The following CTSH variants were observed in gnomAD, a reference collection of about 807,000 sequenced individuals.
CTSH encodes the protein cathepsin H, also known as pro-cathepsin H.
A neutral mutation model predicts 56.3 loss-of-function variants in CTSH; 52 were observed. That is an observed-to-expected ratio of 0.92 (90% CI 0.74 to 1.16). The LOEUF (loss-of-function observed/expected upper bound fraction) is 1.16, where lower values mean the gene tolerates loss of function less well. Ranked by LOEUF, CTSH falls within the 50% of genes most tolerant of loss-of-function variation. The pLI is 0.00. For missense variants in CTSH, 406 were observed against 424.5 expected (o/e 0.96, Z 0.38); for synonymous variants, 174 against 155.7 (o/e 1.12, Z -0.88).
rs894920858 is a variant in CTSH at position 78,932,851 on chromosome 15, G to A, written c.406-393C>T. Among the ~76,000 whole-genome samples, 6 of 152,136 alleles carry A rather than the reference G, an allele frequency of 3.9e-5. No individual in the cohort carries two copies. In the South Asian group the frequency reaches 6.2e-4, roughly 16 times the overall value. ...CAGTCTTCTGGCTCTCTTCCTTCTC[G>A]ATCTTCACTGGCTCCTCTTTTCCCT... On this transcript the variant is annotated intron_variant, in intron 5 of 11. Coordinates refer to ENST00000220166, the MANE Select transcript of CTSH (RefSeq NM_004390.5).
chr15:78,937,768 A>C (rs1259998455), intron 2 of CTSH: 1 of 1,312,360 alleles, frequency 7.6e-7, no homozygotes, highest in South Asian at 1.2e-5. Flanking sequence ...TCAAAAGCAC[A>C]TGCACTGGTG....
chr15:78,926,951 C>A (rs186691085), intron 9 of CTSH: 1 of 152,240 alleles, frequency 6.6e-6, no homozygotes, highest in Admixed American at 6.5e-5. Context: ...TGTCATTACA[C>A]AGACATCACG....
At chr15:78,931,401 G>T (rs376540440) in intron 7 of CTSH, 50 bp downstream of exon 7, 365 of 1,610,426 alleles carry the variant, frequency 2.3e-4, no homozygotes, top group Non-Finnish European at 2.9e-4. Flanking sequence ...CTGTCGAAGC[G>T]GTCAGTGGGA....
intron 6 of CTSH, chr15:78,931,818 A>G (rs1426671528): frequency 3.0e-6 from 4 of 1,317,026 alleles, no homozygotes; most frequent in Admixed American, 3.2e-5. Flanking sequence ...GGGGTCCCAC[A>G]GCGGTGTATA....
chr15:78,929,407 G>A lies in CTSH; in HGVS notation c.630+5C>T. On this transcript the variant is annotated splice_donor_5th_base_variant and intron_variant, in intron 8 of 11. Coordinates refer to ENST00000220166, the MANE Select transcript of CTSH (RefSeq NM_004390.5). Reference sequence around the variant, plus strand: ...AGAAGACAGAGTGGAGGCTGTTGGAGTTACCTTGCCCTGGTAGGGGTAGGT... The same window carrying A: ...AGAAGACAGAGTGGAGGCTGTTGGAATTACCTTGCCCTGGTAGGGGTAGGT... 6.2e-7 allele frequency: 1 copy of A among 1,610,440 alleles called. No homozygotes were observed. The highest frequency in any genetic ancestry group is 8.5e-7 in the Non-Finnish European group (1 of 1,177,356).
intron 5 of CTSH, among the ~76,000 whole-genome samples, 199 bp from the exon 6 acceptor site, chr15:78,932,657 A>G (rs28520089): frequency 3.4e-5 from 5 of 149,190 alleles, no homozygotes; most frequent in African/African-American, 1.3e-4. Context: ...GAGGCTCGCA[A>G]GCCCTGTTCC....
At chr15:78,927,329 G>A (rs1351754913) in intron 9 of CTSH, 1 of 263,252 alleles carries the variant, frequency 3.8e-6, no homozygotes, top group Admixed American at 5.2e-5. Context: ...GGTTGTTATT[G>A]CAACAGAACC....
intron 5 of CTSH, 36 bp downstream of exon 5, chr15:78,934,942 G>C: frequency 7.1e-7 from 1 of 1,404,608 alleles, no homozygotes; most frequent in Middle Eastern, 1.8e-4. Flanking sequence ...GAGTGTGGCC[G>C]TTTTGCAGGG....
chr15:78,934,549 G>A (rs1018832149), intron 5 of CTSH, among the ~76,000 whole-genome samples: 2 of 152,254 alleles, frequency 1.3e-5, no homozygotes, highest in African/African-American at 4.8e-5. Flanking sequence ...GCTTGCTGAT[G>A]CATGACACAT....
Position 78,927,823 on chromosome 15 carries a change from C to T in CTSH, c.631-42G>A, listed in dbSNP as rs751856114. On this transcript the variant is annotated intron_variant, in intron 8 of 11. Transcript: ENST00000220166. ...GGGCATGAAATACAGGTTATGGACC[C>T]GAAGTCTCAGCCTCCCCACGCAGTT... is the stretch of plus-strand genomic sequence containing the variant. The T allele has an allele frequency of 1.3e-5, 21 of 1,559,276 alleles. 1 individual carries two copies. The highest frequency in any genetic ancestry group is 5.6e-5 in the South Asian group (5 of 89,934).
At chr15:78,934,479 C>T (rs577062095) in intron 5 of CTSH, among the ~76,000 whole-genome samples, 5 of 152,324 alleles carry the variant, frequency 3.3e-5, no homozygotes, top group African/African-American at 1.2e-4. Context: ...GGCCTCTCAC[C>T]TTGCCAAGCC....
intron 3 of CTSH, 77 bp downstream of exon 3, chr15:78,937,241 A>C: frequency 8.2e-7 from 1 of 1,212,386 alleles, no homozygotes; most frequent in Non-Finnish European, 1.2e-6. Context: ...TCCACCCACC[A>C]GCCCCCAGCG....
intron 8 of CTSH, among the ~76,000 whole-genome samples, chr15:78,928,289 C>T (rs1405748695): frequency 3.9e-5 from 6 of 152,008 alleles, no homozygotes; most frequent in East Asian, 1.9e-4. Context: ...GAGAGTTGGC[C>T]GGGCACGGTG....
chr15:78,928,122 C>G (rs901508887), intron 8 of CTSH, among the ~76,000 whole-genome samples: 77 of 152,208 alleles, frequency 5.1e-4, no homozygotes, highest in African/African-American at 1.8e-3. Flanking sequence ...ACAATGCTGG[C>G]AAGAGGCAGG....
chr15:78,927,681 A>G (rs143101654), intron 9 of CTSH, 32 bp downstream of exon 9: 3 of 1,603,312 alleles, frequency 1.9e-6, no homozygotes, highest in Non-Finnish European at 2.6e-6. Context: ...ATCAGGACAC[A>G]TTCCCCATCC....
At chr15:78,926,841 T>G (rs1445013736) in intron 9 of CTSH, 2 of 152,156 alleles carry the variant, frequency 1.3e-5, no homozygotes, top group Non-Finnish European at 2.9e-5. Flanking sequence ...CTAGAGGGGA[T>G]AGTGCGTATT....
At chr15:78,937,160 A>G (rs2055192884) in intron 3 of CTSH, 158 bp downstream of exon 3, 1 of 630,932 alleles carries the variant, frequency 1.6e-6, no homozygotes, top group Non-Finnish European at 2.8e-6. Context: ...CCCACATTAC[A>G]CAGAGAGTAA....
chr15:78,928,619 G>C (rs933076249), intron 8 of CTSH, among the ~76,000 whole-genome samples: 2 of 151,036 alleles, frequency 1.3e-5, no homozygotes, highest in African/African-American at 4.9e-5. Flanking sequence ...CAGGGAGACT[G>C]AGTTGGAGTC....
Position 78,924,101 on chromosome 15 carries a change from G to C in CTSH, c.807-983C>G, listed in dbSNP as rs866314847. Among the ~76,000 whole-genome samples, 167 of 136,386 alleles carry C rather than the reference G, an allele frequency of 1.2e-3. 9 individuals are homozygous for C. Among genetic ancestry groups the C allele is most frequent in the Middle Eastern group, 3.8e-3 (1 of 264 alleles). 89.5% of individuals were successfully genotyped at this position (136,386 alleles called of 152,430 possible). On this transcript the variant is annotated intron_variant, in intron 10 of 11. Coordinates refer to ENST00000220166, the MANE Select transcript of CTSH (RefSeq NM_004390.5). ...GTGGGGGGGATCCAACCCAGCGGGG[G>C]GGGGGGGGAGGGTGGGCAGGGTGGG...
Sources: gnomAD v4.1 joint callset for allele counts (sites outside exome capture counted in the v4.1 genomes callset) on GRCh38, gnomAD v4.1.1 for gene constraint, MANE v1.5 for transcripts, NCBI Gene and HGNC (gene_info 2026-07-23, HGNC 2026-07-21) for gene names.